Variants in DET1 observed in about 807,000 individuals in gnomAD.
The protein encoded by DET1 is DET1 homolog.
In DET1, 22 loss-of-function variants were observed where a neutral mutation model predicts 43.7. The ratio of observed to expected loss-of-function variants is 0.50; its 90% CI spans 0.36 to 0.72. The LOEUF (loss-of-function observed/expected upper bound fraction) is 0.72. Ranked by LOEUF, DET1 falls within the 30% of genes least tolerant of loss-of-function variation. DET1 has a pLI of 0.00. For missense variants in DET1, 713 were observed against 713.3 expected, an observed-to-expected ratio of 1.00 and a Z score of 0.00; for synonymous variants, 315 against 266.2, an observed-to-expected ratio of 1.18 and a Z score of -1.79.
chr15:88,510,674 C>T (rs1028295104), downstream of DET1, among the ~76,000 whole-genome samples: 1 of 152,014 alleles, frequency 6.6e-6, no homozygotes, highest in African/African-American at 2.4e-5. Context: ...CATCAGATAT[C>T]TTCAACTTAC....
rs1196082506 is a variant in DET1, at chr15:88,504,506, T to C, written c.*2066-519A>G. On this transcript the variant is annotated intron_variant and NMD_transcript_variant, in intron 7 of 8. Transcript: ENST00000557842. The surrounding 1 kb of genome is among the most constrained non-coding windows in gnomAD (Gnocchi z 4.7). ...AATCATTTTTATATTATATTAACCA[T>C]GCCTTTTGTTTTCTGATGACTTGAC... The C allele has an allele frequency of 6.6e-6, 1 of 152,170 alleles. No homozygotes were observed. Among genetic ancestry groups the C allele is most frequent in the African/African-American group, 2.4e-5 (1 of 41,430 alleles). 9.4% of individuals were successfully genotyped at this position (152,170 alleles called of 1,614,324 possible). A position where few individuals can be genotyped will look rare whatever the true frequency, so the allele number is the denominator to read the frequency against.
intron 3 of DET1, among the ~76,000 whole-genome samples, chr15:88,518,996 T>G (rs184986262): frequency 6.6e-6 from 1 of 152,232 alleles, no homozygotes; most frequent in South Asian, 2.1e-4. Flanking sequence ...TCCCTTTCAT[T>G]TGAGCTGAAA....
intron 1 of DET1, among the ~76,000 whole-genome samples, chr15:88,539,453 A>T (rs1307352361): frequency 6.6e-6 from 1 of 151,136 alleles, no homozygotes; most frequent in African/African-American, 2.4e-5. Flanking sequence ...CTGTCTAAAA[A>T]AAAAAAAAAA....
chr15:88,508,052 T>C (rs1338372162), downstream of DET1, among the ~76,000 whole-genome samples: 1 of 152,222 alleles, frequency 6.6e-6, no homozygotes, highest in Non-Finnish European at 1.5e-5. Context: ...GGATCTAGGT[T>C]GTGCGCTCCT....
chr15:88,545,662 A>G (rs918294475), intron 1 of DET1, among the ~76,000 whole-genome samples: 3 of 80,528 alleles, frequency 3.7e-5, no homozygotes, highest in East Asian at 7.9e-4. Context: ...GTATCTTAAG[A>G]CTCCCCTTGT....
chr15:88,526,645 A>C (rs770040167), intron 3 of DET1, among the ~76,000 whole-genome samples: 2 of 152,098 alleles, frequency 1.3e-5, no homozygotes, highest in Non-Finnish European at 2.9e-5. Flanking sequence ...GGGAAGGGGG[A>C]TAGGACTCCT....
At chr15:88,534,468 G>A (rs2056897233) in intron 1 of DET1, among the ~76,000 whole-genome samples, 1 of 152,170 alleles carries the variant, frequency 6.6e-6, no homozygotes, top group Non-Finnish European at 1.5e-5. Context: ...GTGTTGCAAG[G>A]AAGGATAATT....
chr15:88,542,471 T>C (rs1320745481), intron 1 of DET1, among the ~76,000 whole-genome samples: 3 of 152,162 alleles, frequency 2.0e-5, no homozygotes, highest in Non-Finnish European at 4.4e-5. Flanking sequence ...GCTTATCGCA[T>C]TTATACTCCT....
At chr15:88,522,340 G>A (rs2056513260) in intron 3 of DET1, among the ~76,000 whole-genome samples, 1 of 151,676 alleles carries the variant, frequency 6.6e-6, no homozygotes, top group East Asian at 1.9e-4. Flanking sequence ...TGCTTCTTCA[G>A]GAATTAGACA....
At chr15:88,524,655 C>A (rs1474682390) in intron 3 of DET1, among the ~76,000 whole-genome samples, 1 of 152,214 alleles carries the variant, frequency 6.6e-6, no homozygotes, top group Non-Finnish European at 1.5e-5. Flanking sequence ...TTACCCCCAA[C>A]CCTGTGCTCT....
intron 3 of DET1, among the ~76,000 whole-genome samples, chr15:88,520,373 C>A (rs2056457274): frequency 6.6e-6 from 1 of 152,216 alleles, no homozygotes; most frequent in Non-Finnish European, 1.5e-5. Flanking sequence ...CCCCTACTAT[C>A]TCACTCAAAC....
chr15:88,541,850 C>T (rs576507550), intron 1 of DET1, among the ~76,000 whole-genome samples: 1 of 152,198 alleles, frequency 6.6e-6, no homozygotes, highest in Non-Finnish European at 1.5e-5. Context: ...TTTTGCCTCC[C>T]TCTGAAGAAG....
intron 8 of DET1, chr15:88,503,774 A>G (rs1486654221): frequency 6.6e-6 from 1 of 152,088 alleles, no homozygotes; most frequent in African/African-American, 2.4e-5. Context: ...AAGGTAGGAG[A>G]ATCGCTTGAA....
chr15:88,511,535 T>A (rs974346198), downstream of DET1: 2 of 985,590 alleles, frequency 2.0e-6, no homozygotes, highest in South Asian at 9.4e-5. Context: ...CCAGTGCTCT[T>A]CCACAGTATA....
chr15:88,514,480 T>C (rs901831621), intron 4 of DET1, among the ~76,000 whole-genome samples: 8 of 152,238 alleles, frequency 5.3e-5, no homozygotes, highest in Non-Finnish European at 1.0e-4. Context: ...AAATAACTAG[T>C]ACATGAATAA....
rs577978965 is a variant in DET1, at chr15:88,539,608, C to T, written c.-11+6932G>A. 3.9e-5 allele frequency among the ~76,000 whole-genome samples: 6 copies of T among 152,268 alleles called. No individual in the cohort carries two copies. In the South Asian group the frequency reaches 1.0e-3, roughly 26 times the overall value. ...GTCAGGACGTCGGTATTGCCCAAGA[C>T]GTCTGGGTAAAAACTTCTTCAAGGT... On this transcript the variant is annotated intron_variant, in intron 1 of 4. Coordinates refer to ENST00000268148, the MANE Select transcript of DET1 (RefSeq NM_001144074.3).
intron 2 of DET1, among the ~76,000 whole-genome samples, chr15:88,529,855 T>C (rs1234785217): frequency 6.6e-6 from 1 of 152,222 alleles, no homozygotes; most frequent in African/African-American, 2.4e-5. Context: ...AATTTCAACA[T>C]AGTTTTTCAA....
downstream of DET1, among the ~76,000 whole-genome samples, chr15:88,510,400 T>C (rs538652966): frequency 1.0e-3 from 157 of 152,328 alleles, no homozygotes; most frequent in African/African-American, 3.8e-3. Flanking sequence ...CTTTCCACTC[T>C]GCCAGGTCCT....
In DET1 at chr15:88,546,681, T is replaced by C. The variant is rs1424349802; in HGVS notation, c.-152A>G. ...TCCCGTTTCCGCCAGCCACCGGAACTGCGGCCCAGCAAAAAGGGAAGTAGG... is the reference window on the plus strand; with the variant it reads ...TCCCGTTTCCGCCAGCCACCGGAACCGCGGCCCAGCAAAAAGGGAAGTAGG... On this transcript the variant is annotated 5_prime_UTR_variant, in exon 1 of 5. Transcript: ENST00000268148. 1 of 148,114 alleles carries C rather than the reference T, an allele frequency of 6.8e-6. No homozygotes were observed. The highest frequency in any genetic ancestry group is 2.5e-5 in the African/African-American group (1 of 40,294). 9.2% of individuals were successfully genotyped at this position (148,114 alleles called of 1,614,324 possible).
Sources: gnomAD v4.1 joint callset for allele counts (sites outside exome capture counted in the v4.1 genomes callset) on GRCh38, gnomAD v4.1.1 for gene constraint, Gnocchi (gnomAD v3.1) non-coding constraint, MANE v1.5 for transcripts, NCBI Gene and HGNC (gene_info 2026-07-23, HGNC 2026-07-21) for gene names.